The following ASH1L variants were observed in gnomAD, a reference collection of about 807,000 sequenced individuals.
ASH1L encodes the protein histone-lysine N-methyltransferase ASH1L.
ASH1L carries 23 observed loss-of-function variants against 269.0 expected under a neutral mutation model. The ratio of observed to expected loss-of-function variants is 0.09; its 90% CI spans 0.06 to 0.12. ASH1L has a LOEUF of 0.12. ASH1L is among the 10% of genes least tolerant of loss of function. The pLI, the probability that ASH1L is intolerant of heterozygous loss-of-function variation, is 1.00. For missense variants in ASH1L, 2,912 were observed against 3,567.8 expected, an observed-to-expected ratio of 0.82 and a Z score of 4.68; for synonymous variants, 1,187 against 1,253.5, an observed-to-expected ratio of 0.95 and a Z score of 1.12.
chr1:155,349,207 A>C, intron 19 of ASH1L, 120 bp downstream of exon 19: 1 of 1,139,120 alleles, frequency 8.8e-7, no homozygotes, highest in Non-Finnish European at 1.2e-6. Context: ...GGATACTCAA[A>C]AATGACTGGC....
Position 155,517,509 on chromosome 1 carries a change from A to G in ASH1L, c.420+3591T>C, listed in dbSNP as rs541443140. Among the ~76,000 whole-genome samples the G allele has an allele frequency of 2.0e-5, 3 of 151,968 alleles. No homozygotes were observed. The South Asian group carries it at 6.2e-4, about 32-fold the overall frequency. ...CCGGGCGTGGTAGCAGGCACCTGTA[A>G]TCTCAGCTACTTGGGAGGGAGGCTG... On this transcript the variant is annotated intron_variant, in intron 2 of 27. Transcript: ENST00000392403.
intron 5 of ASH1L, among the ~76,000 whole-genome samples, chr1:155,426,149 C>G (rs1027956790): frequency 1.3e-5 from 2 of 152,146 alleles, no homozygotes; most frequent in Non-Finnish European, 2.9e-5. Context: ...ACTGCAACCT[C>G]TGCCTCCCAG....
At chr1:155,415,709 A>C (rs778281822) in intron 6 of ASH1L, 35 bp downstream of exon 6, 1 of 1,586,286 alleles carries the variant, frequency 6.3e-7, no homozygotes, top group South Asian at 1.2e-5. Context: ...ATGTGGAAGA[A>C]AAAGGGATGT....
chr1:155,415,152 G>A (rs529789594), intron 6 of ASH1L, among the ~76,000 whole-genome samples: 13 of 152,170 alleles, frequency 8.5e-5, no homozygotes, highest in South Asian at 2.1e-4. Flanking sequence ...GGGAGGCCGA[G>A]GCAGGTGGAT....
intron 3 of ASH1L, among the ~76,000 whole-genome samples, chr1:155,464,849 G>T (rs1664559266): frequency 6.6e-6 from 1 of 152,112 alleles, no homozygotes; most frequent in South Asian, 2.1e-4. Flanking sequence ...GAGGGGAAAG[G>T]TAGTGCTTTT....
At chr1:155,346,339 C>T (rs1159707682) in intron 21 of ASH1L, 44 bp downstream of exon 21, 5 of 1,595,150 alleles carry the variant, frequency 3.1e-6, no homozygotes, top group Non-Finnish European at 4.3e-6. Context: ...CATGTGCTAC[C>T]TCTCCTACTT....
chr1:155,345,871 G>C, intron 21 of ASH1L: 1 of 180,130 alleles, frequency 5.6e-6, no homozygotes, highest in Non-Finnish European at 1.1e-5. Flanking sequence ...TTGCTCTGTC[G>C]CCCAGGCTGG....
intron 4 of ASH1L, among the ~76,000 whole-genome samples, chr1:155,442,777 CTCA>C (rs1662704871): frequency 6.6e-6 from 1 of 151,912 alleles, no homozygotes; most frequent in Non-Finnish European, 1.5e-5. Flanking sequence ...GTTCCTTAAA[CTCA>C]TCATGTTTTT....
chr1:155,473,279 T>C (rs891714038), intron 3 of ASH1L, among the ~76,000 whole-genome samples: 3 of 152,174 alleles, frequency 2.0e-5, no homozygotes, highest in African/African-American at 7.2e-5. Flanking sequence ...TTTCTGCAAG[T>C]GTTTTTATTG....
chr1:155,488,031 A>G (rs1280557048), intron 2 of ASH1L, among the ~76,000 whole-genome samples: 1 of 151,578 alleles, frequency 6.6e-6, no homozygotes, highest in Non-Finnish European at 1.5e-5. Flanking sequence ...GGATTACAGG[A>G]GCCCGCCAGC....
At chr1:155,503,029 C>T (rs1014592153) in intron 2 of ASH1L, among the ~76,000 whole-genome samples, 12 of 152,156 alleles carry the variant, frequency 7.9e-5, no homozygotes, top group Non-Finnish European at 1.5e-4. Flanking sequence ...TTATAATTTT[C>T]AGCATCTGCT....
At chr1:155,422,710 G>A (rs1442049902) in intron 5 of ASH1L, among the ~76,000 whole-genome samples, 4 of 150,070 alleles carry the variant, frequency 2.7e-5, no homozygotes, top group Admixed American at 6.6e-5. Context: ...GTGCAGTGGC[G>A]TGATCTCGGC....
chr1:155,550,076 C>T (rs114297272), intron 1 of ASH1L, among the ~76,000 whole-genome samples: 3,101 of 151,950 alleles, frequency 0.02, 105 homozygotes, highest in African/African-American at 0.071. Context: ...GCTGGAGTGC[C>T]GTGGCGTAAT....
At chr1:155,525,180 G>A (rs975484478) in intron 1 of ASH1L, among the ~76,000 whole-genome samples, 1 of 152,006 alleles carries the variant, frequency 6.6e-6, no homozygotes, top group African/African-American at 2.4e-5. Flanking sequence ...CTAGGAAATC[G>A]AGGCTGCAGT....
intron 1 of ASH1L, among the ~76,000 whole-genome samples, chr1:155,554,342 G>A (rs1193777551): frequency 4.6e-5 from 7 of 151,388 alleles, no homozygotes; most frequent in African/African-American, 7.3e-5. Flanking sequence ...GCACAATCTC[G>A]GCTCACTGCA....
intron 7 of ASH1L, among the ~76,000 whole-genome samples, chr1:155,390,975 T>G (rs1391094486): frequency 6.6e-6 from 1 of 151,134 alleles, no homozygotes; most frequent in East Asian, 1.9e-4. Context: ...AGACGGAGTC[T>G]TGCTCTGTTG....
intron 4 of ASH1L, among the ~76,000 whole-genome samples, chr1:155,448,561 T>C (rs1663208016): frequency 6.6e-6 from 1 of 152,282 alleles, no homozygotes. Flanking sequence ...AATGGTGCGA[T>C]CTCAGCTCAC....
intron 5 of ASH1L, among the ~76,000 whole-genome samples, chr1:155,429,036 ATTAGTGTCCAT>A (rs1283523012): frequency 1.2e-4 from 18 of 152,166 alleles, no homozygotes; most frequent in Admixed American, 5.9e-4. Context: ...CTTTAGAGAA[ATTAGTGTCCAT>A]ATCCACCAGT....
At chr1:155,507,489 T>C (rs1166893269) in intron 2 of ASH1L, among the ~76,000 whole-genome samples, 2 of 152,142 alleles carry the variant, frequency 1.3e-5, no homozygotes, top group Non-Finnish European at 2.9e-5. Flanking sequence ...AAATAAACTA[T>C]CCAATGACAA....
Sources: allele counts gnomAD v4.1 joint callset (sites outside exome capture counted in the v4.1 genomes callset), GRCh38; gene constraint gnomAD v4.1.1; transcripts MANE v1.5; gene names NCBI Gene and HGNC (gene_info 2026-07-23, HGNC 2026-07-21).